INTS9: variants seen among roughly 807,000 people sequenced by gnomAD.
INTS9 encodes the protein integrator complex subunit 9.
A neutral mutation model predicts 79.7 loss-of-function variants in INTS9; 55 were observed. The observed-to-expected ratio is 0.69, with a 90% CI of 0.56 to 0.86. The LOEUF (loss-of-function observed/expected upper bound fraction) is 0.86. Ranked by LOEUF, INTS9 falls within the 40% of genes least tolerant of loss-of-function variation. The probability of loss-of-function intolerance (pLI) is 0.00; values close to 1 mark genes in which losing one functional copy is unlikely to be tolerated. For missense variants in INTS9, 721 were observed against 831.5 expected, an observed-to-expected ratio of 0.87 and a Z score of 1.64; for synonymous variants, 319 against 325.2, an observed-to-expected ratio of 0.98 and a Z score of 0.20.
intron 1 of INTS9, among the ~76,000 whole-genome samples, chr8:28,881,576 T>TG (rs1809816037): frequency 9.8e-6 from 1 of 102,378 alleles, no homozygotes; most frequent in Admixed American, 1.0e-4. Context: ...GGGAGGGAGG[T>TG]GGGGGGATCA....
chr8:28,832,935 C>A (rs561808022), intron 6 of INTS9, among the ~76,000 whole-genome samples: 1 of 151,888 alleles, frequency 6.6e-6, no homozygotes, highest in African/African-American at 2.4e-5. Context: ...TGCACTCCAG[C>A]CTGGGAGACA....
At chr8:28,782,539 GCA>G (rs1219961830) in intron 11 of INTS9, among the ~76,000 whole-genome samples, 5 of 152,194 alleles carry the variant, frequency 3.3e-5, no homozygotes, top group Non-Finnish European at 7.3e-5. Flanking sequence ...GTGCACACAT[GCA>G]CACATACACG....
intron 8 of INTS9, among the ~76,000 whole-genome samples, chr8:28,809,095 G>A (rs1423652851): frequency 2.6e-5 from 4 of 151,936 alleles, no homozygotes; most frequent in Non-Finnish European, 4.4e-5. Flanking sequence ...GACCACAGGC[G>A]CATGCCACCG....
intron 1 of INTS9, among the ~76,000 whole-genome samples, chr8:28,883,637 C>T (rs1047457877): frequency 2.0e-5 from 3 of 152,274 alleles, no homozygotes; most frequent in African/African-American, 7.2e-5. Context: ...TGAGCCTGAG[C>T]CCAAGGGTAT....
At chr8:28,884,168 CTTTTTTTTTTT>C (rs35799882) in intron 1 of INTS9, among the ~76,000 whole-genome samples, 137 of 46,976 alleles carry the variant, frequency 2.9e-3, no homozygotes, top group African/African-American at 0.011. Context: ...ATCAGTGTAT[CTTTTTTTTTTT>C]TTTTTTTTTT....
intron 6 of INTS9, among the ~76,000 whole-genome samples, chr8:28,830,388 C>A (rs1806408710): frequency 6.6e-6 from 1 of 152,090 alleles, no homozygotes; most frequent in Non-Finnish European, 1.5e-5. Flanking sequence ...AATCCCAGCA[C>A]TTTGGGAGGC....
chr8:28,800,939 G>C (rs1804479827), intron 8 of INTS9, among the ~76,000 whole-genome samples: 1 of 152,182 alleles, frequency 6.6e-6, no homozygotes, highest in Non-Finnish European at 1.5e-5. Flanking sequence ...GAAAGAAACA[G>C]GTGGAGGGCC....
At chr8:28,870,991 G>A (rs1022847877) in intron 1 of INTS9, among the ~76,000 whole-genome samples, 7 of 152,154 alleles carry the variant, frequency 4.6e-5, no homozygotes, top group African/African-American at 7.2e-5. Context: ...TAAAGACAGC[G>A]AACATTTATT....
At chr8:28,777,387 G>A (rs1257915229) in intron 13 of INTS9, among the ~76,000 whole-genome samples, 2 of 152,062 alleles carry the variant, frequency 1.3e-5, no homozygotes, top group African/African-American at 4.8e-5. Flanking sequence ...TTTCTCCAGG[G>A]CAGAAAATGT....
intron 16 of INTS9, among the ~76,000 whole-genome samples, chr8:28,768,953 G>A (rs241177): frequency 0.45 from 68,213 of 151,976 alleles, 16,798 homozygotes; most frequent in Non-Finnish European, 0.55. Flanking sequence ...AGGAGCCGGG[G>A]TGGAACACTG....
intron 4 of INTS9, among the ~76,000 whole-genome samples, chr8:28,840,600 TAC>T (rs1807119599): frequency 1.4e-5 from 2 of 139,310 alleles, no homozygotes; most frequent in Non-Finnish European, 3.1e-5. Context: ...CACCATGGAA[TAC>T]TATGCAGCCA....
chr8:28,777,892 G>T lies in INTS9; in HGVS notation c.1332C>A (p.Ile444=). ...TCAGCCGGGTGTCGATGGGGCAGTA[G>T]ATGCATTTCATGGCCAGCGGCTGGT... ...APYQPLAMKC[I]YCPIDTRLNF... Residue 444 remains isoleucine (I), a synonymous_variant, in exon 13 of 17, where the codon ATC becomes ATA. Coordinates refer to ENST00000521022, the MANE Select transcript of INTS9 (RefSeq NM_018250.4). The T allele has an allele frequency of 6.2e-7, 1 of 1,612,890 alleles. No homozygotes were observed. The highest frequency in any genetic ancestry group is 1.1e-5 in the South Asian group (1 of 90,880).
chr8:28,773,222 G>A (rs1802652616), intron 14 of INTS9, among the ~76,000 whole-genome samples: 1 of 152,202 alleles, frequency 6.6e-6, no homozygotes, highest in Admixed American at 6.5e-5. Context: ...CCAGCACTCT[G>A]GGAGGCCAAG....
chr8:28,773,804 C>T (rs901829387), intron 14 of INTS9, among the ~76,000 whole-genome samples: 4 of 151,980 alleles, frequency 2.6e-5, no homozygotes, highest in Non-Finnish European at 1.5e-5. Flanking sequence ...GGTTTACAGG[C>T]ATGAGCCACC....
intron 5 of INTS9, among the ~76,000 whole-genome samples, chr8:28,836,272 T>C (rs1161216925): frequency 2.6e-5 from 4 of 152,122 alleles, no homozygotes. Flanking sequence ...GAACCAGGGA[T>C]GAGGAATCTA....
At chr8:28,842,343 TGTTTTCAC>T (rs1439009312) in intron 4 of INTS9, among the ~76,000 whole-genome samples, 1 of 152,178 alleles carries the variant, frequency 6.6e-6, no homozygotes, top group Non-Finnish European at 1.5e-5. Flanking sequence ...ATTTGTTGGA[TGTTTTCAC>T]GTTTTCATTT....
At chr8:28,798,032 A>G (rs2130977463) in intron 8 of INTS9, 1 of 152,344 alleles carries the variant, frequency 6.6e-6, no homozygotes, top group Non-Finnish European at 1.5e-5. Context: ...TTATAACCTG[A>G]AAAACATTTA....
At chr8:28,825,517 C>T (rs1243704622) in intron 6 of INTS9, among the ~76,000 whole-genome samples, 1 of 152,190 alleles carries the variant, frequency 6.6e-6, no homozygotes, top group African/African-American at 2.4e-5. Flanking sequence ...AACACCATAC[C>T]ACGTGGGCTT....
chr8:28,869,432 C>T (rs951147485), intron 1 of INTS9, among the ~76,000 whole-genome samples: 3 of 152,186 alleles, frequency 2.0e-5, no homozygotes, highest in Non-Finnish European at 1.5e-5. Context: ...TATAAACATT[C>T]GCTGCCATCA....
Sources: allele counts gnomAD v4.1 joint callset (sites outside exome capture counted in the v4.1 genomes callset), GRCh38; gene constraint gnomAD v4.1.1; transcripts MANE v1.5; gene names NCBI Gene and HGNC (gene_info 2026-07-23, HGNC 2026-07-21).